SHROOM3: variants seen among roughly 807,000 people sequenced by gnomAD.
SHROOM3 encodes the protein protein Shroom3.
In SHROOM3, 47 loss-of-function variants were observed where a neutral mutation model predicts 138.6. That is an observed-to-expected ratio of 0.34 (90% CI 0.27 to 0.43). SHROOM3 has a LOEUF of 0.43. SHROOM3 is among the 20% of genes least tolerant of loss of function. The probability of loss-of-function intolerance (pLI) is 1.00; values close to 1 mark genes in which losing one functional copy is unlikely to be tolerated. For synonymous variants in SHROOM3, 1,062 were observed against 1,063.3 expected (o/e 1.00, Z 0.02); for missense variants, 2,491 against 2,596.5 (o/e 0.96, Z 0.88).
At chr4:76,663,772 T>C (rs1054770529) in intron 2 of SHROOM3, among the ~76,000 whole-genome samples, 1 of 152,224 alleles carries the variant, frequency 6.6e-6, no homozygotes, top group Admixed American at 6.5e-5. Flanking sequence ...CCAGGATTTT[T>C]CTGAAAAGTT....
At chr4:76,489,783 G>A (rs1489501429) in intron 1 of SHROOM3, among the ~76,000 whole-genome samples, 1 of 152,166 alleles carries the variant, frequency 6.6e-6, no homozygotes, top group Admixed American at 6.5e-5. Flanking sequence ...ATATCAAGTA[G>A]CAGATTAGAG....
At chr4:76,717,596 A>C (rs932034088) in intron 3 of SHROOM3, among the ~76,000 whole-genome samples, 1 of 152,138 alleles carries the variant, frequency 6.6e-6, no homozygotes, top group Admixed American at 6.5e-5. Context: ...CCTCAGGCAC[A>C]AAGATTCTTT....
chr4:76,517,621 G>GTATATATA (rs60652477), intron 1 of SHROOM3, among the ~76,000 whole-genome samples: 52 of 146,928 alleles, frequency 3.5e-4, no homozygotes, highest in East Asian at 2.0e-3. Flanking sequence ...TGTTTGTTTG[G>GTATATATA]TATATATATA....
chr4:76,697,154 C>T (rs971763433), intron 2 of SHROOM3, among the ~76,000 whole-genome samples: 1 of 150,266 alleles, frequency 6.7e-6, no homozygotes, highest in African/African-American at 2.5e-5. Flanking sequence ...TCTCAAATTC[C>T]TGGCCTCAAG....
chr4:76,639,664 C>T (rs555036998), intron 2 of SHROOM3: 5 of 398,470 alleles, frequency 1.3e-5, no homozygotes, highest in African/African-American at 1.0e-4. Context: ...CTTCATGGGC[C>T]TGTGTTTCCT....
Position 76,663,011 on chromosome 4 carries a change from G to A in SHROOM3, c.324-47145G>A, listed in dbSNP as rs532771721. Among the ~76,000 whole-genome samples, 4 of 152,210 alleles carry A rather than the reference G, an allele frequency of 2.6e-5. 1 individual carries two copies. In the South Asian group the frequency reaches 8.3e-4, roughly 32 times the overall value. ...TGAGAGCCATGTCTCTAGATTCCTAGCCTAGAACATTGTCTACTACACTCT... is the reference window on the plus strand; with the variant it reads ...TGAGAGCCATGTCTCTAGATTCCTAACCTAGAACATTGTCTACTACACTCT... On this transcript the variant is annotated intron_variant, in intron 2 of 10. Transcript: ENST00000296043.
intron 1 of SHROOM3, among the ~76,000 whole-genome samples, chr4:76,481,855 C>G (rs1409592190): frequency 6.6e-6 from 1 of 152,160 alleles, no homozygotes; most frequent in Non-Finnish European, 1.5e-5. Flanking sequence ...TCAACATGCA[C>G]AAATCAATAA....
chr4:76,498,270 C>G (rs1732011304), intron 1 of SHROOM3, among the ~76,000 whole-genome samples: 1 of 152,092 alleles, frequency 6.6e-6, no homozygotes, highest in Non-Finnish European at 1.5e-5. Flanking sequence ...GTCTTAATTG[C>G]AATTGTCATG....
chr4:76,675,073 T>C (rs987074976), intron 2 of SHROOM3, among the ~76,000 whole-genome samples: 2 of 152,220 alleles, frequency 1.3e-5, no homozygotes, highest in Non-Finnish European at 2.9e-5. Context: ...CCTCTGGGTA[T>C]GCTTTTAGGT....
intron 9 of SHROOM3, among the ~76,000 whole-genome samples, chr4:76,762,840 T>C (rs770613151): frequency 6.6e-6 from 1 of 152,156 alleles, no homozygotes; most frequent in Non-Finnish European, 1.5e-5. Flanking sequence ...ACATGGACTC[T>C]ACTGGGGGAG....
In SHROOM3 at chr4:76,780,247, C is replaced by T. The variant is rs575918668; in HGVS notation, c.*1070C>T. ...CCTCTGAAGACTGATTTTGCTTTAT[C>T]ATGTTTCAATAATAACATTTCAGAG... is the stretch of plus-strand genomic sequence containing the variant. On this transcript the variant is annotated 3_prime_UTR_variant, in exon 11 of 11. Transcript: ENST00000296043. 1 of 152,232 alleles carries T rather than the reference C, an allele frequency of 6.6e-6. No homozygotes were observed. The highest frequency in any genetic ancestry group is 2.4e-5 in the African/African-American group (1 of 41,544). The allele number at this position is 152,232 out of a possible 1,614,324, so 9.4% of individuals were successfully genotyped here.
intron 1 of SHROOM3, among the ~76,000 whole-genome samples, chr4:76,436,983 A>T (rs1227978834): frequency 6.6e-6 from 1 of 152,218 alleles, no homozygotes; most frequent in Non-Finnish European, 1.5e-5. Flanking sequence ...CTTTTCACAC[A>T]TGTGCATTCA....
intron 3 of SHROOM3, among the ~76,000 whole-genome samples, chr4:76,728,545 TG>T (rs1720776228): frequency 6.6e-6 from 1 of 152,218 alleles, no homozygotes; most frequent in African/African-American, 2.4e-5. Flanking sequence ...GTCTCAGGTA[TG>T]TCTTTATCAG....
At chr4:76,601,672 T>G (rs1734508239) in intron 2 of SHROOM3, among the ~76,000 whole-genome samples, 1 of 135,802 alleles carries the variant, frequency 7.4e-6, no homozygotes, top group African/African-American at 2.5e-5. Context: ...CCAGCTAATT[T>G]TTTGTATTTT....
chr4:76,663,589 T>G (rs998254557), intron 2 of SHROOM3, among the ~76,000 whole-genome samples: 3 of 152,188 alleles, frequency 2.0e-5, no homozygotes, highest in African/African-American at 7.2e-5. Flanking sequence ...GATTTAGAGA[T>G]GGAGCCTCAC....
chr4:76,748,828 TTTTTTTTTTA>T (rs1721531572), intron 5 of SHROOM3, among the ~76,000 whole-genome samples, 179 bp from the exon 6 acceptor site: 1 of 150,618 alleles, frequency 6.6e-6, no homozygotes, highest in African/African-American at 2.4e-5. Flanking sequence ...TTTTTTTTTT[TTTTTTTTTTA>T]AATCTTCGGC....
chr4:76,730,732 C>T, intron 3 of SHROOM3, 72 bp from the exon 4 acceptor site: 1 of 1,599,858 alleles, frequency 6.3e-7, no homozygotes, highest in Non-Finnish European at 8.5e-7. Context: ...TCCAAATCCA[C>T]AAGTCACATC....
At chr4:76,632,582 A>G (rs1262639759) in intron 2 of SHROOM3, among the ~76,000 whole-genome samples, 1 of 152,158 alleles carries the variant, frequency 6.6e-6, no homozygotes, top group Non-Finnish European at 1.5e-5. Context: ...AGAAGGCTGA[A>G]CTGCAGTGGG....
chr4:76,740,145 A>G lies in SHROOM3; in HGVS notation c.1972A>G (p.Thr658Ala). The G allele has an allele frequency of 6.2e-7, 1 of 1,613,920 alleles. No homozygotes were observed. The highest frequency in any genetic ancestry group is 8.5e-7 in the Non-Finnish European group (1 of 1,180,020). The change falls in exon 5 of 11, where the codon ACC becomes GCC. Residue 658 changes from threonine to alanine, a missense_variant. This residue lies in a region of SHROOM3 where 1,733 missense variants were observed against 1,661.6 expected (regional missense o/e 1.04). Transcript: ENST00000296043. This position sits in a 1 kb window ranked among gnomAD's most constrained non-coding sequence, Gnocchi z 4.0. ...GAGCCTGTCAGGCAACTTTGGCAAG[A>G]CCAAGTCAGCCTTCTCATCTCTCCA... ...GQSLSGNFGK[T>A]KSAFSSLQNI...
Sources: gnomAD v4.1 joint callset for allele counts (sites outside exome capture counted in the v4.1 genomes callset) on GRCh38, gnomAD v4.1.1 for gene constraint, gnomAD v4.1.1 regional missense constraint, Gnocchi (gnomAD v3.1) non-coding constraint, MANE v1.5 for transcripts, NCBI Gene and HGNC (gene_info 2026-07-23, HGNC 2026-07-21) for gene names.